OTOG: variants seen among roughly 807,000 people sequenced by gnomAD.
OTOG encodes the protein otogelin.
OTOG carries 296 observed loss-of-function variants against 313.8 expected under a neutral mutation model. The ratio of observed to expected loss-of-function variants is 0.94; its 90% CI spans 0.86 to 1.04. The LOEUF (loss-of-function observed/expected upper bound fraction) is 1.04, where lower values mean the gene tolerates loss of function less well. Among genes scored for constraint, OTOG ranks in the 50% least tolerant of loss-of-function variants. The probability of loss-of-function intolerance (pLI) is 0.00; values close to 1 mark genes in which losing one functional copy is unlikely to be tolerated. For synonymous variants in OTOG, 1,533 were observed against 1,554.9 expected (o/e 0.99, Z 0.33); for missense variants, 3,948 against 3,840.1 (o/e 1.03, Z -0.74).
At chr11:17,592,048 G>C (rs1239019398) in intron 25 of OTOG, among the ~76,000 whole-genome samples, 1 of 152,152 alleles carries the variant, frequency 6.6e-6, no homozygotes, top group African/African-American at 2.4e-5. Flanking sequence ...TAGAGCTGGG[G>C]TCAAGTTTGA....
intron 4 of OTOG, 44 bp downstream of exon 4, chr11:17,552,119 A>G: frequency 6.5e-7 from 1 of 1,534,952 alleles, no homozygotes; most frequent in South Asian, 1.2e-5. Flanking sequence ...TGCATGGGAG[A>G]GCCCTGGCAG....
At chr11:17,602,556 T>C (rs185973261) in intron 32 of OTOG, among the ~76,000 whole-genome samples, 179 bp downstream of exon 32, 6 of 152,218 alleles carry the variant, frequency 3.9e-5, no homozygotes, top group African/African-American at 1.2e-4. Flanking sequence ...GCAGAGATGC[T>C]CTCCATCTGC....
intron 23 of OTOG, among the ~76,000 whole-genome samples, chr11:17,582,977 G>C (rs892974032): frequency 6.6e-6 from 1 of 151,862 alleles, no homozygotes; most frequent in Non-Finnish European, 1.5e-5. Context: ...TTTTGATAAT[G>C]TCTAATTTTT....
At chr11:17,635,558 C>A in intron 46 of OTOG, 52 bp from the exon 47 acceptor site, 1 of 1,428,838 alleles carries the variant, frequency 7.0e-7, no homozygotes. Flanking sequence ...TGCTGTGTGC[C>A]AGGCCCCTAT....
chr11:17,609,906 C>T lies in OTOG; in HGVS notation c.4606C>T (p.Leu1536Phe), dbSNP rs117380920. ...GACCACCCTGCAGCAGCCACTGGAG[C>T]TCACTGCATCTCAACTCCCCGCCGG... ...TQTTLQQPLE[L>F]TASQLPAGPT... The change falls in exon 36 of 56, where the codon CTC (leucine) becomes TTC (phenylalanine). Residue 1536 changes from leucine (L) to phenylalanine (F), a missense_variant. By Grantham distance (22) the Leu-to-Phe change is conservative (BLOSUM62 0). Transcript: ENST00000399397. 0.011 allele frequency: 16,222 copies of T among 1,521,602 alleles called. 96 individuals are homozygous for T. Among genetic ancestry groups the T allele is most frequent in the Middle Eastern group, 0.013 (77 of 5,822 alleles). 94.3% of individuals were successfully genotyped at this position (1,521,602 alleles called of 1,614,324 possible). A position where few individuals can be genotyped will look rare whatever the true frequency, so the allele number is the denominator to read the frequency against.
In OTOG at chr11:17,645,694, G is replaced by A. The variant is rs748967197; in HGVS notation, c.8542-50G>A. 6 of 1,550,714 alleles carry A rather than the reference G, an allele frequency of 3.9e-6. No individual in the cohort carries two copies. In the Middle Eastern group the frequency reaches 5.0e-4, roughly 129 times the overall value. On this transcript the variant is annotated intron_variant, in intron 55 of 55. Coordinates refer to ENST00000399397, the MANE Select transcript of OTOG (RefSeq NM_001292063.2). ...GGCAGCAAAAAATGGGATGGAGGGGGTTTGGGGGTGTGAGCACCACAGACT... is the reference window on the plus strand; with the variant it reads ...GGCAGCAAAAAATGGGATGGAGGGGATTTGGGGGTGTGAGCACCACAGACT...
At chr11:17,639,655 T>C (rs1847927510) in intron 49 of OTOG, among the ~76,000 whole-genome samples, 192 bp downstream of exon 49, 1 of 152,322 alleles carries the variant, frequency 6.6e-6, no homozygotes. Context: ...GACATAATCA[T>C]GCTTTAGAGT....
chr11:17,550,809 C>T lies in OTOG; in HGVS notation c.217-1191C>T, dbSNP rs150138622. ...CTGGGTCGACTGGGTAAGGATTGCT[C>T]GGGAGAACCCAGGAACCAGGGGCCA... On this transcript the variant is annotated intron_variant, in intron 3 of 55. Transcript: ENST00000399397. Among the ~76,000 whole-genome samples, 44 of 152,222 alleles carry T rather than the reference C, an allele frequency of 2.9e-4. No homozygotes were observed. In the East Asian group the frequency reaches 7.7e-3, roughly 27 times the overall value.
rs1852187060 is a variant in OTOG at position 17,561,659 on chromosome 11, CA to C, written c.1499-2del. 8 of 1,550,588 alleles carry C rather than the reference CA, an allele frequency of 5.2e-6. No individual in the cohort carries two copies. Among genetic ancestry groups the C allele is most frequent in the Non-Finnish European group, 7.0e-6 (8 of 1,146,972 alleles). ...GGGTCAGTGGCCTTTTTCTACCTCT[CA>C]GCTGAGTGCTCAGTGACTGGTGACA... On this transcript the variant is annotated splice_acceptor_variant, in intron 14 of 55. Coordinates refer to ENST00000399397, the MANE Select transcript of OTOG (RefSeq NM_001292063.2). LOFTEE classifies it high-confidence loss of function.
intron 8 of OTOG, 83 bp downstream of exon 8, chr11:17,557,406 G>T: frequency 7.4e-7 from 1 of 1,350,440 alleles, no homozygotes; most frequent in Non-Finnish European, 1.0e-6. Context: ...AGGGGACTTG[G>T]AACAGAGCCC....
chr11:17,559,788 G>C (rs572714458), intron 12 of OTOG, 126 bp downstream of exon 12: 2 of 262,878 alleles, frequency 7.6e-6, no homozygotes, highest in East Asian at 1.3e-4. Context: ...GGGAGGGAGG[G>C]AGGAAGGAAA....
intron 26 of OTOG, 120 bp downstream of exon 26, chr11:17,593,447 T>G: frequency 7.0e-7 from 1 of 1,428,834 alleles, no homozygotes; most frequent in African/African-American, 1.4e-5. Context: ...GCCACTGAGT[T>G]AGGAGCCCAG....
At chr11:17,613,257 TTCTTTCTTTCTCTCTCTGTCTG>T (rs1853632718) in intron 38 of OTOG, among the ~76,000 whole-genome samples, 1 of 128,600 alleles carries the variant, frequency 7.8e-6, no homozygotes, top group African/African-American at 3.4e-5. Flanking sequence ...CTTTCTTTCT[TTCTTTCTTTCTCTCTCTGTCTG>T]TCTTTCTCCT....
At chr11:17,641,658 G>A (rs1590062753) in intron 51 of OTOG, among the ~76,000 whole-genome samples, 189 bp from the exon 52 acceptor site, 1 of 152,176 alleles carries the variant, frequency 6.6e-6, no homozygotes, top group African/African-American at 2.4e-5. Context: ...GCTCTTTGCT[G>A]TAAGGGAGGC....
chr11:17,597,062 A>C (rs1454666033), intron 30 of OTOG, 55 bp downstream of exon 30: 1 of 1,535,588 alleles, frequency 6.5e-7, no homozygotes, highest in Non-Finnish European at 8.8e-7. Flanking sequence ...ACCTGTGGGC[A>C]TGCCCTAGGG....
intron 8 of OTOG, 141 bp downstream of exon 8, chr11:17,557,464 C>A (rs1465897558): frequency 8.9e-6 from 7 of 784,680 alleles, no homozygotes; most frequent in Non-Finnish European, 1.4e-5. Flanking sequence ...GCCAAGGACC[C>A]CTTCCTAACA....
intron 23 of OTOG, among the ~76,000 whole-genome samples, chr11:17,582,791 T>C (rs1019603631): frequency 2.0e-5 from 3 of 152,214 alleles, no homozygotes; most frequent in Non-Finnish European, 4.4e-5. Context: ...CTTTTGCCCA[T>C]TTTTAAATTT....
intron 54 of OTOG, among the ~76,000 whole-genome samples, chr11:17,644,072 A>C (rs1848026065): frequency 6.6e-6 from 1 of 152,228 alleles, no homozygotes; most frequent in Admixed American, 6.5e-5. Context: ...TCTGGGGGCA[A>C]GGGAGGGGGA....
At chr11:17,559,225 A>G (rs1852124832) in intron 11 of OTOG, 64 bp downstream of exon 11, 12 of 1,215,506 alleles carry the variant, frequency 9.9e-6, no homozygotes, top group Non-Finnish European at 1.4e-5. Context: ...CTCAGGCCTC[A>G]GCTCAATGTC....
Sources: gnomAD v4.1 joint callset for allele counts (sites outside exome capture counted in the v4.1 genomes callset) on GRCh38, gnomAD v4.1.1 for gene constraint, MANE v1.5 for transcripts, NCBI Gene and HGNC (gene_info 2026-07-23, HGNC 2026-07-21) for gene names.